Variants in PAG1 observed in about 807,000 individuals in gnomAD.
The protein encoded by PAG1 is phosphoprotein associated with glycosphingolipid-enriched microdomains 1.
In PAG1, 23 loss-of-function variants were observed where a neutral mutation model predicts 31.7. The observed-to-expected ratio is 0.73, with a 90% CI of 0.52 to 1.03. PAG1 has a LOEUF of 1.03. Among genes scored for constraint, PAG1 ranks in the 50% least tolerant of loss-of-function variants. The probability of loss-of-function intolerance (pLI) is 0.00; values close to 1 mark genes in which losing one functional copy is unlikely to be tolerated. For synonymous variants in PAG1, 214 were observed against 210.3 expected (o/e 1.02, Z -0.15); for missense variants, 473 against 540.7 (o/e 0.87, Z 1.24).
At chr8:81,008,592 ATAC>A (rs1807928059) in intron 3 of PAG1, among the ~76,000 whole-genome samples, 1 of 149,138 alleles carries the variant, frequency 6.7e-6, no homozygotes, top group South Asian at 2.1e-4. Context: ...AGTATATATA[ATAC>A]TACTACTGTA....
chr8:80,988,544 TCAAAC>T, intron 5 of PAG1, among the ~76,000 whole-genome samples: 2 of 152,224 alleles, frequency 1.3e-5, no homozygotes, highest in Non-Finnish European at 2.9e-5. Context: ...CACTGAAGTC[TCAAAC>T]TCCTGGGCCC....
At chr8:81,004,852 T>A (rs1807847284) in intron 3 of PAG1, among the ~76,000 whole-genome samples, 1 of 152,144 alleles carries the variant, frequency 6.6e-6, no homozygotes, top group African/African-American at 2.4e-5. Flanking sequence ...CTTTGCATGT[T>A]CACACGGTGG....
chr8:81,090,883 T>G (rs1809433933), intron 1 of PAG1, among the ~76,000 whole-genome samples: 1 of 152,188 alleles, frequency 6.6e-6, no homozygotes, highest in South Asian at 2.1e-4. Flanking sequence ...GGAGACAATG[T>G]TCAGAAAAAT....
At chr8:81,052,360 T>C (rs1808747770) in intron 2 of PAG1, among the ~76,000 whole-genome samples, 1 of 152,032 alleles carries the variant, frequency 6.6e-6, no homozygotes, top group Admixed American at 6.6e-5. Context: ...CAGAGTGAAA[T>C]TGTAAGTTCA....
intron 3 of PAG1, among the ~76,000 whole-genome samples, chr8:81,015,043 C>T (rs1273325694): frequency 2.0e-5 from 3 of 152,212 alleles, no homozygotes; most frequent in East Asian, 3.8e-4. Context: ...TTCTGCACTA[C>T]ACATTCTTGA....
chr8:81,086,831 G>T (rs7818085), intron 1 of PAG1, among the ~76,000 whole-genome samples: 10,373 of 152,224 alleles, frequency 0.068, 1,180 homozygotes, highest in African/African-American at 0.23. Context: ...TCAGGTTATG[G>T]TGTGGAGGAG....
chr8:80,976,570 G>GC lies in PAG1; in HGVS notation c.1272dup (p.Gln425AlafsTer20), dbSNP rs759419875. The GC allele has an allele frequency of 6.2e-7, 1 of 1,613,236 alleles. No homozygotes were observed. The highest frequency in any genetic ancestry group is 2.2e-5 in the East Asian group (1 of 44,884). On this transcript the variant is annotated frameshift_variant, in exon 9 of 9. Coordinates refer to ENST00000220597, the MANE Select transcript of PAG1 (RefSeq NM_018440.4). LOFTEE classifies it high-confidence loss of function. ...TAGAGCCTGGTAATATCTCTGCCTT[G>GC]CTGCAAGTCACTTATGCTCTCGTAG...
intron 1 of PAG1, among the ~76,000 whole-genome samples, chr8:81,081,426 C>T (rs1809264797): frequency 6.6e-6 from 1 of 152,072 alleles, no homozygotes; most frequent in Non-Finnish European, 1.5e-5. Context: ...ATCTCATGTA[C>T]CCACTGCTCA....
intron 2 of PAG1, among the ~76,000 whole-genome samples, chr8:81,047,098 T>C (rs1314311025): frequency 6.6e-6 from 1 of 152,246 alleles, no homozygotes; most frequent in African/African-American, 2.4e-5. Context: ...CTATCACTGA[T>C]GGGCATTTAG....
At chr8:81,072,808 G>A (rs545031090) in intron 1 of PAG1, among the ~76,000 whole-genome samples, 103 of 152,264 alleles carry the variant, frequency 6.8e-4, no homozygotes, top group African/African-American at 2.4e-3. Context: ...CATAGATGAG[G>A]GAGTGGGTGC....
At chr8:81,105,366 T>A (rs538334600) in intron 1 of PAG1, among the ~76,000 whole-genome samples, 1 of 152,302 alleles carries the variant, frequency 6.6e-6, no homozygotes, top group Admixed American at 6.5e-5. Flanking sequence ...ACCCTTGTGA[T>A]ATTTAGTGAC....
intron 1 of PAG1, among the ~76,000 whole-genome samples, chr8:81,085,972 GTTTTTTTTT>G (rs869177030): frequency 2.4e-4 from 14 of 58,906 alleles, no homozygotes; most frequent in African/African-American, 8.7e-4. Flanking sequence ...AATCTGGCTT[GTTTTTTTTT>G]TTTTTTTTTT....
At chr8:80,979,561 A>G (rs1427996397) in intron 8 of PAG1, among the ~76,000 whole-genome samples, 1 of 152,212 alleles carries the variant, frequency 6.6e-6, no homozygotes, top group Non-Finnish European at 1.5e-5. Flanking sequence ...AGGGTGGGCA[A>G]TATCACCTAG....
intron 1 of PAG1, among the ~76,000 whole-genome samples, chr8:81,084,563 T>C (rs139454706): frequency 6.6e-6 from 1 of 152,196 alleles, no homozygotes; most frequent in South Asian, 2.1e-4. Flanking sequence ...TTTTTCTATG[T>C]GGGTGTCATT....
chr8:81,092,100 C>G (rs1310357254), intron 1 of PAG1, among the ~76,000 whole-genome samples: 1 of 148,260 alleles, frequency 6.7e-6, no homozygotes, highest in African/African-American at 2.5e-5. Context: ...CACCTGTAAC[C>G]CCAACACTTT....
rs1807281014 is a variant in PAG1, at chr8:80,980,638, C to T, written c.877-144G>A. On this transcript the variant is annotated intron_variant, in intron 7 of 8. Transcript: ENST00000220597. ...CGAAGAAATTATGGGAAGAGAAACA[C>T]TTATGCAATCTATTACCACATGTAT... 2.9e-5 allele frequency: 18 copies of T among 613,276 alleles called. No individual in the cohort carries two copies. The South Asian group carries it at 3.6e-4, about 12-fold the overall frequency. The allele number at this position is 613,276 out of a possible 1,614,324, so 38.0% of individuals were successfully genotyped here. A position where few individuals can be genotyped will look rare whatever the true frequency, so the allele number is the denominator to read the frequency against.
At chr8:81,009,352 A>C (rs1005645346) in intron 3 of PAG1, among the ~76,000 whole-genome samples, 3 of 152,224 alleles carry the variant, frequency 2.0e-5, no homozygotes, top group African/African-American at 7.2e-5. Context: ...AAAAGTTCTC[A>C]ATCTCCAGAT....
intron 1 of PAG1, among the ~76,000 whole-genome samples, chr8:81,105,372 G>A (rs933475775): frequency 6.6e-6 from 1 of 152,130 alleles, no homozygotes; most frequent in African/African-American, 2.4e-5. Context: ...GTGATATTTA[G>A]TGACCCTTCA....
chr8:80,998,741 A>G (rs1233019177), intron 3 of PAG1, among the ~76,000 whole-genome samples: 1 of 152,206 alleles, frequency 6.6e-6, no homozygotes, highest in Admixed American at 6.5e-5. Context: ...GGCCAGTGAG[A>G]TTAGATATGG....
Sources: gnomAD v4.1 joint callset for allele counts (sites outside exome capture counted in the v4.1 genomes callset) on GRCh38, gnomAD v4.1.1 for gene constraint, MANE v1.5 for transcripts, NCBI Gene and HGNC (gene_info 2026-07-23, HGNC 2026-07-21) for gene names.